Variants in PIBF1 observed in about 807,000 individuals in gnomAD.
PIBF1 encodes progesterone immunomodulatory binding factor 1.
Under a neutral mutation model 112.5 loss-of-function variants are expected in PIBF1, and 90 were observed. The observed-to-expected ratio is 0.80, with a 90% CI of 0.67 to 0.95. The LOEUF is 0.95. Ranked by LOEUF, PIBF1 falls within the 40% of genes least tolerant of loss-of-function variation. The pLI, the probability that PIBF1 is intolerant of heterozygous loss-of-function variation, is 0.00. For missense variants in PIBF1, 915 were observed against 852.3 expected (o/e 1.07, Z -0.92); for synonymous variants, 301 against 288.6 (o/e 1.04, Z -0.44).
chr13:72,958,808 CA>C (rs2042527707), intron 14 of PIBF1, among the ~76,000 whole-genome samples: 1 of 152,148 alleles, frequency 6.6e-6, no homozygotes, highest in African/African-American at 2.4e-5. Flanking sequence ...ATTACAAGTT[CA>C]AGACGTAAAA....
chr13:72,848,829 C>T (rs983194870), intron 9 of PIBF1, among the ~76,000 whole-genome samples: 2 of 144,384 alleles, frequency 1.4e-5, no homozygotes, highest in African/African-American at 5.1e-5. Context: ...GAGACTCCGT[C>T]TCAAAAAAAA....
intron 13 of PIBF1, among the ~76,000 whole-genome samples, chr13:72,925,554 T>C (rs1181800631): frequency 1.4e-5 from 2 of 144,274 alleles, no homozygotes; most frequent in African/African-American, 5.1e-5. Flanking sequence ...TTTTTTTTTT[T>C]TTTTTTTTTG....
At chr13:72,805,497 A>G (rs7336943) in intron 5 of PIBF1, among the ~76,000 whole-genome samples, 118,030 of 152,156 alleles carry the variant, frequency 0.78, 46,107 homozygotes, top group South Asian at 0.85. Context: ...GACATTATTC[A>G]AAAGATCTTC....
At chr13:72,836,151 G>C (rs1387932911) in intron 9 of PIBF1, 1 of 449,494 alleles carries the variant, frequency 2.2e-6, no homozygotes, top group Admixed American at 2.4e-5. Context: ...GTTACTTTTA[G>C]ATCAGTAAAT....
At chr13:72,972,937 T>C (rs889207561) in intron 15 of PIBF1, among the ~76,000 whole-genome samples, 4 of 152,234 alleles carry the variant, frequency 2.6e-5, no homozygotes, top group African/African-American at 7.2e-5. Context: ...ATTTGTCTTC[T>C]AGTATCTTGT....
chr13:72,811,256 T>C (rs1284078575), intron 5 of PIBF1, among the ~76,000 whole-genome samples: 2 of 152,166 alleles, frequency 1.3e-5, no homozygotes, highest in South Asian at 2.1e-4. Context: ...TGTTAACTTA[T>C]TAATTGAGAT....
At chr13:72,950,852 G>T (rs2042276233) in intron 14 of PIBF1, among the ~76,000 whole-genome samples, 1 of 152,272 alleles carries the variant, frequency 6.6e-6, no homozygotes, top group Middle Eastern at 3.4e-3. Flanking sequence ...GAACCTAACG[G>T]GTTATATGAA....
At chr13:72,858,753 GA>G (rs1259960151) in intron 10 of PIBF1, among the ~76,000 whole-genome samples, 1 of 151,976 alleles carries the variant, frequency 6.6e-6, no homozygotes, top group Non-Finnish European at 1.5e-5. Flanking sequence ...TGGTTATTAA[GA>G]ATACTTATAT....
chr13:72,996,118 A>G (rs1243772224), intron 16 of PIBF1, among the ~76,000 whole-genome samples: 2 of 140,978 alleles, frequency 1.4e-5, no homozygotes, highest in Non-Finnish European at 3.1e-5. Flanking sequence ...AAAGTCAAGT[A>G]AGAGGTAAAC....
At position 72,973,114 on chromosome 13, in the gene PIBF1, A is replaced by C. The variant is rs568384607; in HGVS notation, c.1965-477A>C. Among the ~76,000 whole-genome samples the C allele has an allele frequency of 7.2e-5, 11 of 152,316 alleles. No homozygotes were observed. The South Asian group carries it at 2.3e-3, about 32-fold the overall frequency. On this transcript the variant is annotated intron_variant, in intron 15 of 17. Coordinates refer to ENST00000326291, the MANE Select transcript of PIBF1 (RefSeq NM_006346.4). Reference sequence around the variant, plus strand: ...CAGTTACGTTGTCAAATGGATTCTTAAGAGAAGAAAAGCTGGGTGCAGTGA... The same window carrying C: ...CAGTTACGTTGTCAAATGGATTCTTCAGAGAAGAAAAGCTGGGTGCAGTGA...
intron 8 of PIBF1, among the ~76,000 whole-genome samples, chr13:72,829,015 C>T (rs2036968160): frequency 6.6e-6 from 1 of 152,198 alleles, no homozygotes; most frequent in Non-Finnish European, 1.5e-5. Context: ...TTTTGATTTG[C>T]ATTTCTTTAA....
At chr13:72,935,826 T>C (rs932791246) in intron 14 of PIBF1, among the ~76,000 whole-genome samples, 2 of 152,086 alleles carry the variant, frequency 1.3e-5, no homozygotes, top group Admixed American at 1.3e-4. Context: ...TGCCCTCTGT[T>C]TATCTTCTTG....
chr13:72,851,613 G>A (rs2038161046), intron 9 of PIBF1, among the ~76,000 whole-genome samples: 1 of 152,238 alleles, frequency 6.6e-6, no homozygotes, highest in Non-Finnish European at 1.5e-5. Flanking sequence ...CTTCTGGGCG[G>A]AAAGGGGTGG....
At chr13:72,796,444 C>T (rs991893101) in intron 4 of PIBF1, among the ~76,000 whole-genome samples, 7 of 152,030 alleles carry the variant, frequency 4.6e-5, no homozygotes, top group South Asian at 2.1e-4. Flanking sequence ...TTAATAGTAA[C>T]GGTGCGTTTC....
intron 2 of PIBF1, among the ~76,000 whole-genome samples, chr13:72,790,720 A>G (rs1458886448): frequency 1.3e-5 from 2 of 152,178 alleles, no homozygotes; most frequent in African/African-American, 4.8e-5. Context: ...GAAGAGTATC[A>G]TGGAAGCTAA....
chr13:72,786,686 T>C (rs901186209), intron 2 of PIBF1, among the ~76,000 whole-genome samples: 2 of 152,234 alleles, frequency 1.3e-5, no homozygotes, highest in African/African-American at 4.8e-5. Context: ...AGCATGTCTT[T>C]GACATATATA....
chr13:72,958,715 A>G (rs899503752), intron 14 of PIBF1, among the ~76,000 whole-genome samples: 1 of 152,210 alleles, frequency 6.6e-6, no homozygotes, highest in African/African-American at 2.4e-5. Context: ...GTTGAAATGT[A>G]TCAGTTAAAT....
chr13:72,993,071 C>T (rs987858678), intron 16 of PIBF1, among the ~76,000 whole-genome samples: 2 of 152,184 alleles, frequency 1.3e-5, no homozygotes, highest in African/African-American at 2.4e-5. Flanking sequence ...CAGTGGCTCA[C>T]GCCTGTAATC....
At chr13:72,847,194 A>G (rs540888627) in intron 9 of PIBF1, among the ~76,000 whole-genome samples, 1 of 152,328 alleles carries the variant, frequency 6.6e-6, no homozygotes, top group East Asian at 1.9e-4. Context: ...TAATTTTTCA[A>G]CCATAATTTG....
Sources: gnomAD v4.1 joint callset for allele counts (sites outside exome capture counted in the v4.1 genomes callset) on GRCh38, gnomAD v4.1.1 for gene constraint, MANE v1.5 for transcripts, NCBI Gene and HGNC (gene_info 2026-07-23, HGNC 2026-07-21) for gene names.